Variants in ZFHX3 observed in about 807,000 individuals in gnomAD.
The protein encoded by ZFHX3 is zinc finger homeobox 3.
ZFHX3 carries 42 observed loss-of-function variants against 279.1 expected under a neutral mutation model. The ratio of observed to expected loss-of-function variants is 0.15; its 90% CI spans 0.12 to 0.19. ZFHX3 has a LOEUF of 0.19. Ranked by LOEUF, ZFHX3 falls within the 10% of genes least tolerant of loss-of-function variation. The probability of loss-of-function intolerance (pLI) is 1.00; values close to 1 mark genes in which losing one functional copy is unlikely to be tolerated. For synonymous variants in ZFHX3, 2,293 were observed against 1,957.8 expected, an observed-to-expected ratio of 1.17 and a Z score of -4.52; for missense variants, 4,981 against 4,754.0, an observed-to-expected ratio of 1.05 and a Z score of -1.40.
chr16:73,414,058 C>T (rs905755025), intron 3 of ZFHX3, among the ~76,000 whole-genome samples: 4 of 152,336 alleles, frequency 2.6e-5, no homozygotes, highest in East Asian at 3.9e-4. Flanking sequence ...TTTAACCTTT[C>T]GCAGTTCACA....
intron 1 of ZFHX3, among the ~76,000 whole-genome samples, chr16:72,990,750 G>C (rs1341806198): frequency 2.0e-5 from 3 of 152,192 alleles, no homozygotes; most frequent in African/African-American, 4.8e-5. Context: ...AGAGTCCGAG[G>C]CAGGTGGATC....
At chr16:72,900,942 T>TCC (rs1482320072) in intron 3 of ZFHX3, among the ~76,000 whole-genome samples, 2 of 152,240 alleles carry the variant, frequency 1.3e-5, no homozygotes, top group Non-Finnish European at 2.9e-5. Context: ...ACTTGGCTTT[T>TCC]CCCAAAGAGT....
intron 3 of ZFHX3, among the ~76,000 whole-genome samples, chr16:73,404,334 A>C (rs2017317441): frequency 6.6e-6 from 1 of 152,144 alleles, no homozygotes; most frequent in African/African-American, 2.4e-5. Flanking sequence ...GAACAATCAA[A>C]ATGTAAAACC....
intron 8 of ZFHX3, among the ~76,000 whole-genome samples, chr16:73,086,595 T>C (rs1417220082): frequency 2.6e-5 from 4 of 152,160 alleles, no homozygotes; most frequent in African/African-American, 7.2e-5. Context: ...TTAGCAATAA[T>C]TTTATGTATA....
In ZFHX3 at chr16:73,606,418, G is replaced by A. The variant is rs890255878; in HGVS notation, c.-1547+73762C>T. On this transcript the variant is annotated intron_variant, in intron 2 of 17. Coordinates refer to the ZFHX3 transcript ENST00000641206. Reference sequence around the variant, plus strand: ...GGAGAATCTCCTGAACCCGAGAGGCGGAGGTTGCAGTGAGCTGAGTTTGTA... The same window carrying A: ...GGAGAATCTCCTGAACCCGAGAGGCAGAGGTTGCAGTGAGCTGAGTTTGTA... 7.9e-5 allele frequency among the ~76,000 whole-genome samples: 12 copies of A among 151,384 alleles called. No homozygotes were observed. In the South Asian group the frequency reaches 1.3e-3, roughly 16 times the overall value.
chr16:73,457,855 A>C (rs186431115), intron 2 of ZFHX3, among the ~76,000 whole-genome samples: 1 of 152,350 alleles, frequency 6.6e-6, no homozygotes, highest in Admixed American at 6.5e-5. Flanking sequence ...ATGCATGGGA[A>C]GTTCTCAGCA....
At chr16:73,414,810 T>A (rs1387904019) in intron 3 of ZFHX3, among the ~76,000 whole-genome samples, 1 of 152,176 alleles carries the variant, frequency 6.6e-6, no homozygotes, top group Non-Finnish European at 1.5e-5. Flanking sequence ...CACTTTAGAC[T>A]GGGTGATAGA....
chr16:73,270,197 T>A (rs1361552647), intron 4 of ZFHX3, among the ~76,000 whole-genome samples: 2 of 152,182 alleles, frequency 1.3e-5, no homozygotes, highest in Non-Finnish European at 2.9e-5. Context: ...TTAGATTGCA[T>A]TTTCCTAAGG....
chr16:72,834,546 T>C (rs934653420), intron 4 of ZFHX3, among the ~76,000 whole-genome samples: 18 of 152,210 alleles, frequency 1.2e-4, no homozygotes, highest in Non-Finnish European at 2.4e-4. Context: ...TACCTTATAC[T>C]TAGCATCTTG....
chr16:73,884,767 CCT>C (rs1321931400), intron 1 of ZFHX3, among the ~76,000 whole-genome samples: 2 of 152,054 alleles, frequency 1.3e-5, no homozygotes, highest in Non-Finnish European at 2.9e-5. Flanking sequence ...TAAAAATGAC[CCT>C]GTTTATCTGA....
intron 3 of ZFHX3, among the ~76,000 whole-genome samples, chr16:73,340,424 T>C (rs1446520054): frequency 6.6e-6 from 1 of 152,256 alleles, no homozygotes; most frequent in African/African-American, 2.4e-5. Flanking sequence ...AGTGGCACGA[T>C]GATCATGGCT....
intron 2 of ZFHX3, among the ~76,000 whole-genome samples, chr16:73,650,246 T>C (rs1225571690): frequency 1.3e-5 from 2 of 150,018 alleles, no homozygotes; most frequent in Non-Finnish European, 3.0e-5. Context: ...TCTGAAAACA[T>C]AGCAAAAAAA....
chr16:72,983,009 T>C (rs1962677494), intron 1 of ZFHX3, among the ~76,000 whole-genome samples: 1 of 152,130 alleles, frequency 6.6e-6, no homozygotes, highest in Non-Finnish European at 1.5e-5. Context: ...TACTGTAGCA[T>C]GACCCAAGCA....
chr16:72,977,857 TTTTTTTC>T (rs1483460513), intron 1 of ZFHX3, among the ~76,000 whole-genome samples: 7 of 151,558 alleles, frequency 4.6e-5, no homozygotes, highest in African/African-American at 1.4e-4. Flanking sequence ...GACCAGGGAT[TTTTTTTC>T]TTTTTTCTTT....
In ZFHX3 at chr16:72,794,310, G is replaced by C. The variant is rs746458168; in HGVS notation, c.8372C>G (p.Thr2791Ser). 8 of 1,609,460 alleles carry C rather than the reference G, an allele frequency of 5.0e-6. No individual in the cohort carries two copies. The highest frequency in any genetic ancestry group is 6.8e-6 in the Non-Finnish European group (8 of 1,177,344). Residue 2791 changes from threonine to serine, a missense_variant, in exon 9 of 10, where the codon ACC becomes AGC. Physicochemically the swap from Thr to Ser is moderately conservative, Grantham distance 58 (BLOSUM62 1). This residue lies in a region of ZFHX3 where 744 missense variants were observed against 701.3 expected (regional missense o/e 1.06). Coordinates refer to ENST00000268489, the MANE Select transcript of ZFHX3 (RefSeq NM_006885.4). This position sits in a 1 kb window ranked among gnomAD's most constrained non-coding sequence, Gnocchi z 4.2. ...AAGAGTTCTGGGTGACAATTCCATG[G>C]TTTTACTCACAGGTGAGAGGGGGAC... The part of the protein sequence containing the change: ...QGVPLSPVSK[T>S]MELSPRTLLS...
At chr16:73,715,995 G>A (rs549179212) in intron 1 of ZFHX3, among the ~76,000 whole-genome samples, 1 of 152,194 alleles carries the variant, frequency 6.6e-6, no homozygotes, top group Admixed American at 6.5e-5. Flanking sequence ...CATTCCAGGT[G>A]CTCCATTTCC....
At chr16:73,675,818 G>A (rs1164097340) in intron 2 of ZFHX3, among the ~76,000 whole-genome samples, 2 of 151,522 alleles carry the variant, frequency 1.3e-5, no homozygotes, top group East Asian at 1.9e-4. Context: ...ACACATACAC[G>A]CACGCACATA....
At chr16:73,427,645 T>C (rs1169116206) in intron 3 of ZFHX3, among the ~76,000 whole-genome samples, 1 of 151,948 alleles carries the variant, frequency 6.6e-6, no homozygotes, top group African/African-American at 2.4e-5. Context: ...AGCATTAAGA[T>C]AGGTACTTGG....
chr16:72,883,246 G>A (rs1018108993), intron 4 of ZFHX3, among the ~76,000 whole-genome samples: 2 of 152,122 alleles, frequency 1.3e-5, no homozygotes, highest in Non-Finnish European at 2.9e-5. Context: ...TATACACCCT[G>A]AGAACTACTC....
Sources: allele counts gnomAD v4.1 joint callset (sites outside exome capture counted in the v4.1 genomes callset), GRCh38; gene constraint gnomAD v4.1.1; regional missense constraint gnomAD v4.1.1; non-coding constraint Gnocchi (gnomAD v3.1); transcripts MANE v1.5; gene names NCBI Gene and HGNC (gene_info 2026-07-23, HGNC 2026-07-21).